The following CHCHD4 variants were observed in gnomAD, a reference collection of about 807,000 sequenced individuals.
The protein encoded by CHCHD4 is mitochondrial intermembrane space import and assembly protein 40.
CHCHD4 carries 7 observed loss-of-function variants against 12.4 expected under a neutral mutation model. The ratio of observed to expected loss-of-function variants is 0.57; its 90% CI spans 0.32 to 1.06. The LOEUF (loss-of-function observed/expected upper bound fraction) is 1.06, where lower values mean the gene tolerates loss of function less well. CHCHD4 is among the 50% of genes least tolerant of loss of function. The pLI is 0.04. For missense variants in CHCHD4, 143 were observed against 175.1 expected (o/e 0.82, Z 1.03); for synonymous variants, 56 against 58.0 (o/e 0.97, Z 0.16).
intron 1 of CHCHD4, among the ~76,000 whole-genome samples, chr3:14,118,208 G>C (rs1415886685): frequency 6.6e-6 from 1 of 152,242 alleles, no homozygotes; most frequent in Non-Finnish European, 1.5e-5. Context: ...ATGGCCAAAA[G>C]TGCCTGGCAG....
Position 14,112,806 on chromosome 3 carries a change from ACTTT to A in CHCHD4, c.*77_*80del. The A allele has an allele frequency of 3.1e-6, 4 of 1,306,122 alleles. No homozygotes were observed. The South Asian group carries it at 5.9e-5, about 19-fold the overall frequency. 80.9% of individuals were successfully genotyped at this position (1,306,122 alleles called of 1,614,324 possible). On this transcript the variant is annotated 3_prime_UTR_variant, in exon 3 of 3. Coordinates refer to ENST00000396914, the MANE Select transcript of CHCHD4 (RefSeq NM_001098502.2). ...ATAATGCACAGGACAACAGAAGGAAACTTTCTTGGAAGGTGATGACAAGGCCTTT... is the reference window on the plus strand; with the variant it reads ...ATAATGCACAGGACAACAGAAGGAAACTTGGAAGGTGATGACAAGGCCTTT...
chr3:14,123,491 G>A (rs561676751), intron 1 of CHCHD4, among the ~76,000 whole-genome samples: 137 of 152,268 alleles, frequency 9.0e-4, no homozygotes, highest in African/African-American at 3.2e-3. Flanking sequence ...AGCAGACAGC[G>A]CCACCAGGGA....
intron 1 of CHCHD4, chr3:14,122,225 T>C (rs1024854866): frequency 1.9e-5 from 23 of 1,206,560 alleles, no homozygotes; most frequent in Non-Finnish European, 2.3e-5. Flanking sequence ...AGCCTTTCAC[T>C]AAACGATCAT....
chr3:14,115,806 A>G (rs189927827), intron 2 of CHCHD4, among the ~76,000 whole-genome samples: 1 of 152,328 alleles, frequency 6.6e-6, no homozygotes, highest in East Asian at 1.9e-4. Flanking sequence ...TAGATTGTTC[A>G]TGGACACTGC....
At chr3:14,118,703 G>A (rs1694901046) in intron 1 of CHCHD4, among the ~76,000 whole-genome samples, 1 of 152,220 alleles carries the variant, frequency 6.6e-6, no homozygotes. Flanking sequence ...GCTGACTGGG[G>A]AAAGCTTTTG....
At chr3:14,124,404 G>A (rs1321390245) in intron 1 of CHCHD4, among the ~76,000 whole-genome samples, 2 of 152,184 alleles carry the variant, frequency 1.3e-5, no homozygotes, top group African/African-American at 2.4e-5. Flanking sequence ...CCTACGCACA[G>A]GCCCCTCTGA....
intron 1 of CHCHD4, 123 bp from the exon 2 acceptor site, chr3:14,116,647 G>T (rs994112084): frequency 8.1e-6 from 6 of 739,336 alleles, no homozygotes; most frequent in Non-Finnish European, 1.5e-5. Flanking sequence ...CCTATGTGAG[G>T]TGACTATCAA....
chr3:14,121,346 C>T (rs1694931943), intron 1 of CHCHD4, among the ~76,000 whole-genome samples: 1 of 152,190 alleles, frequency 6.6e-6, no homozygotes, highest in Non-Finnish European at 1.5e-5. Flanking sequence ...TGACGCTACT[C>T]CTGCTCTGTC....
chr3:14,121,749 C>G (rs1203223677), intron 1 of CHCHD4, among the ~76,000 whole-genome samples: 1 of 152,168 alleles, frequency 6.6e-6, no homozygotes, highest in African/African-American at 2.4e-5. Context: ...TAAGGGGTTT[C>G]TAAGAGTTTG....
intron 1 of CHCHD4, among the ~76,000 whole-genome samples, chr3:14,121,593 G>A (rs902005793): frequency 5.9e-5 from 9 of 152,194 alleles, no homozygotes; most frequent in African/African-American, 2.2e-4. Context: ...ATGGCAACCT[G>A]CACTAAGGAC....
chr3:14,113,021 G>C lies in CHCHD4; in HGVS notation c.295C>G (p.Gln99Glu). 1 of 1,613,890 alleles carries C rather than the reference G, an allele frequency of 6.2e-7. No individual in the cohort carries two copies. Among genetic ancestry groups the C allele is most frequent in the Non-Finnish European group, 8.5e-7 (1 of 1,179,970 alleles). ...TGGGGATAGAGGTCTGGGTATTTCTGCATGCATTCCTGCATGGCCCGGAAC... is the reference window on the plus strand; with the variant it reads ...TGGGGATAGAGGTCTGGGTATTTCTCCATGCATTCCTGCATGGCCCGGAAC... ...DQFRAMQECM[Q>E]KYPDLYPQED... The change falls in exon 3 of 3, where the codon CAG becomes GAG. Residue 99 changes from glutamine (Q) to glutamate (E), a missense_variant. Coordinates refer to ENST00000396914, the MANE Select transcript of CHCHD4 (RefSeq NM_001098502.2).
At chr3:14,119,185 A>G (rs536718538) in intron 1 of CHCHD4, 1 of 152,382 alleles carries the variant, frequency 6.6e-6, no homozygotes, top group South Asian at 2.1e-4. Flanking sequence ...CACAGTTCAC[A>G]CTGGATCGAA....
At chr3:14,113,345 A>G in intron 2 of CHCHD4, 151 bp from the exon 3 acceptor site, 1 of 604,692 alleles carries the variant, frequency 1.7e-6, no homozygotes, top group Non-Finnish European at 2.8e-6. Flanking sequence ...AGCCTAGCAC[A>G]TATCCAGCAT....
In CHCHD4 at chr3:14,112,970, T is replaced by C. The variant is rs1313656695; in HGVS notation, c.346A>G (p.Arg116Gly). ...GCTTGTTCTGCTGGCTTCTTCTCTC[T>C]TTCCTCTTCCTCATCCTCATCCTCT... ...PQEDEDEEEE[R>G]EKKPAEQAEE... The change falls in exon 3 of 3, where the codon AGA becomes GGA. Residue 116 changes from arginine to glycine, a missense_variant. Physicochemically the swap from Arg to Gly is moderately radical, Grantham distance 125. Transcript: ENST00000396914. 1 of 1,613,334 alleles carries C rather than the reference T, an allele frequency of 6.2e-7. No individual in the cohort carries two copies. The highest frequency in any genetic ancestry group is 1.7e-5 in the Admixed American group (1 of 59,892).
At chr3:14,122,583 T>TA (rs1303188153) in intron 1 of CHCHD4, among the ~76,000 whole-genome samples, 2 of 152,140 alleles carry the variant, frequency 1.3e-5, no homozygotes, top group African/African-American at 4.8e-5. Flanking sequence ...ACCCCTGAAA[T>TA]AAACTTGTAC....
chr3:14,118,791 AGC>A lies in CHCHD4; in HGVS notation c.23-2269_23-2268del, dbSNP rs201013053. Among the ~76,000 whole-genome samples, 617 of 152,328 alleles carry A rather than the reference AGC, an allele frequency of 4.1e-3. 5 individuals carry two copies. The highest frequency in any genetic ancestry group is 0.014 in the African/African-American group (593 of 41,570). On this transcript the variant is annotated intron_variant, in intron 1 of 2. Coordinates refer to ENST00000396914, the MANE Select transcript of CHCHD4 (RefSeq NM_001098502.2). ...CTGGCCAGTTTCCAAAATACTCAAA[AGC>A]AATCTGTAAAAATGTTGAACGCTAA...
intron 1 of CHCHD4, among the ~76,000 whole-genome samples, chr3:14,119,512 C>T (rs1694910915): frequency 6.6e-6 from 1 of 152,188 alleles, no homozygotes. Context: ...ACAGACCTAA[C>T]TGTGAAAGAA....
At chr3:14,122,166 C>A in intron 1 of CHCHD4, 1 of 1,480,124 alleles carries the variant, frequency 6.8e-7, no homozygotes. Context: ...AAGAAAGTGG[C>A]ATTTAAAAGG....
chr3:14,124,115 T>C (rs1694972995), intron 1 of CHCHD4, among the ~76,000 whole-genome samples: 1 of 152,206 alleles, frequency 6.6e-6, no homozygotes, highest in African/African-American at 2.4e-5. Flanking sequence ...CAGCGAGATC[T>C]GTGAGACAAG....
Sources: gnomAD v4.1 joint callset for allele counts (sites outside exome capture counted in the v4.1 genomes callset) on GRCh38, gnomAD v4.1.1 for gene constraint, MANE v1.5 for transcripts, NCBI Gene and HGNC (gene_info 2026-07-23, HGNC 2026-07-21) for gene names.